Variants in SLC16A1 observed in about 807,000 individuals in gnomAD.
SLC16A1 encodes the protein monocarboxylate transporter 1.
SLC16A1 carries 11 observed loss-of-function variants against 32.2 expected under a neutral mutation model. The observed-to-expected ratio is 0.34, with a 90% CI of 0.21 to 0.56. The LOEUF is 0.56. SLC16A1 is among the 20% of genes least tolerant of loss of function. SLC16A1 has a pLI of 0.87. For synonymous variants in SLC16A1, 231 were observed against 226.8 expected, an observed-to-expected ratio of 1.02 and a Z score of -0.17; for missense variants, 435 against 615.0, an observed-to-expected ratio of 0.71 and a Z score of 3.10.
intron 2 of SLC16A1, among the ~76,000 whole-genome samples, chr1:112,925,537 C>A (rs1214948955): frequency 6.6e-6 from 1 of 152,126 alleles, no homozygotes; most frequent in East Asian, 1.9e-4. Flanking sequence ...TGCCACCGTG[C>A]CGGGCTAATT....
At chr1:112,947,772 C>A (rs1649753229) in intron 1 of SLC16A1, among the ~76,000 whole-genome samples, 1 of 152,190 alleles carries the variant, frequency 6.6e-6, no homozygotes, top group African/African-American at 2.4e-5. Context: ...CTATCTTTGA[C>A]TTCCCCCATT....
chr1:112,938,304 C>G (rs1649380064), intron 1 of SLC16A1, among the ~76,000 whole-genome samples: 1 of 152,126 alleles, frequency 6.6e-6, no homozygotes, highest in Admixed American at 6.5e-5. Flanking sequence ...AGTAGATAAC[C>G]TGTTGTTCTC....
chr1:112,924,796 G>T (rs905092306), intron 2 of SLC16A1, among the ~76,000 whole-genome samples: 1 of 152,110 alleles, frequency 6.6e-6, no homozygotes, highest in Non-Finnish European at 1.5e-5. Context: ...CTGAGGCGAA[G>T]AATCACTTGA....
intron 1 of SLC16A1, among the ~76,000 whole-genome samples, chr1:112,933,483 T>C (rs1649205984): frequency 7.5e-6 from 1 of 133,674 alleles, no homozygotes; most frequent in Admixed American, 7.4e-5. Context: ...AGTTTTAAAA[T>C]TAGACTTCAA....
intron 1 of SLC16A1, among the ~76,000 whole-genome samples, chr1:112,950,840 G>C (rs921222883): frequency 1.3e-5 from 2 of 152,116 alleles, no homozygotes; most frequent in Non-Finnish European, 2.9e-5. Flanking sequence ...CTAAAAAAAT[G>C]TTTAAATAAA....
In SLC16A1 at chr1:112,929,208, TAA is replaced by T; in HGVS notation, c.99_100del (p.Tyr34CysfsTer14). On this transcript the variant is annotated frameshift_variant, in exon 2 of 5. Coordinates refer to ENST00000369626, the MANE Select transcript of SLC16A1 (RefSeq NM_003051.4). LOFTEE classifies it high-confidence loss of function. ...GACAGTAATTGATTTGGGAAATGCA[TAA>T]GAGAAGCCGATGGAAATGAAAGCTC... The T allele has an allele frequency of 1.9e-6, 3 of 1,614,098 alleles. No individual in the cohort carries two copies. Among genetic ancestry groups the T allele is most frequent in the Non-Finnish European group, 2.5e-6 (3 of 1,180,020 alleles).
At chr1:112,927,197 C>A (rs1265196044) in intron 2 of SLC16A1, among the ~76,000 whole-genome samples, 1 of 149,740 alleles carries the variant, frequency 6.7e-6, no homozygotes, top group African/African-American at 2.5e-5. Flanking sequence ...GAAGTTAATA[C>A]TGTAGAAGTT....
chr1:112,927,730 GA>G (rs1648989697), intron 2 of SLC16A1, among the ~76,000 whole-genome samples: 2 of 152,192 alleles, frequency 1.3e-5, no homozygotes, highest in African/African-American at 4.8e-5. Flanking sequence ...TAAGGACAAA[GA>G]AGGAACTGTT....
rs1343727476 is a variant in SLC16A1 at position 112,917,462 on chromosome 1, G to C, written c.944C>G (p.Ser315Cys). Residue 315 changes from serine (S) to cysteine (C), a missense_variant, in exon 4 of 5, where the codon TCT becomes TGT. Around this residue, in one of 2 missense-constraint regions of SLC16A1, gnomAD observed 324 missense variants for 500.3 expected, o/e 0.65. Coordinates refer to ENST00000369626, the MANE Select transcript of SLC16A1 (RefSeq NM_003051.4). The surrounding 1 kb of genome is among the most constrained non-coding windows in gnomAD (Gnocchi z 4.1). The part of the protein sequence containing the change: ...LAFVDMVARP[S>C]MGLVANTKPI... ...CTTTGTGTTGGCTACAAGTCCCATA[G>C]ATGGTCGGGCTACCATGTCAACAAA... The C allele has an allele frequency of 1.2e-6, 2 of 1,614,068 alleles. No homozygotes were observed. The highest frequency in any genetic ancestry group is 1.7e-6 in the Non-Finnish European group (2 of 1,180,042).
At chr1:112,953,053 C>G (rs1172376913) in intron 1 of SLC16A1, among the ~76,000 whole-genome samples, 8 of 152,138 alleles carry the variant, frequency 5.3e-5, no homozygotes, top group Non-Finnish European at 1.0e-4. Context: ...TCTCACACCA[C>G]TCCAACAGCC....
chr1:112,929,072 A>G lies in SLC16A1; in HGVS notation c.217+20T>C. On this transcript the variant is annotated intron_variant, in intron 2 of 4. Coordinates refer to ENST00000369626, the MANE Select transcript of SLC16A1 (RefSeq NM_003051.4). ...GCTGCTTCATGAAAATTAAAAGAGCAGGCCTTAATGGGTACTTACCTCCAC... is the reference window on the plus strand; with the variant it reads ...GCTGCTTCATGAAAATTAAAAGAGCGGGCCTTAATGGGTACTTACCTCCAC... 6.4e-7 allele frequency: 1 copy of G among 1,566,392 alleles called. No homozygotes were observed. Among genetic ancestry groups the G allele is most frequent in the Non-Finnish European group, 8.8e-7 (1 of 1,137,304 alleles).
intron 4 of SLC16A1, 115 bp from the exon 5 acceptor site, chr1:112,914,280 C>T (rs971426895): frequency 3.6e-6 from 4 of 1,099,394 alleles, no homozygotes; most frequent in South Asian, 1.3e-5. Context: ...TTAAAGAGTC[C>T]CAAAATGATG....
intron 1 of SLC16A1, among the ~76,000 whole-genome samples, chr1:112,930,732 T>TTG (rs1209122686): frequency 1.3e-5 from 2 of 151,418 alleles, no homozygotes; most frequent in East Asian, 3.9e-4. Flanking sequence ...AGGTTTTTTT[T>TTG]TTTTTTTTTT....
Position 112,913,906 on chromosome 1 carries a change from C to T in SLC16A1, c.1488G>A (p.Glu496=). The T allele has an allele frequency of 6.2e-7, 1 of 1,614,110 alleles. No individual in the cohort carries two copies. The highest frequency in any genetic ancestry group is 8.5e-7 in the Non-Finnish European group (1 of 1,179,960). Reference sequence around the variant, plus strand: ...CCCCATGGATTCAGACTGGACTTTCCTCCTCCTTGGGCCCTCCATCTGTGT... The same window carrying T: ...CCCCATGGATTCAGACTGGACTTTCTTCCTCCTTGGGCCCTCCATCTGTGT... ...QKDTDGGPKE[E]ESPV The change falls in exon 5 of 5, where the codon GAG becomes GAA. Residue 496 remains glutamate, a synonymous_variant. Transcript: ENST00000369626.
intron 4 of SLC16A1, among the ~76,000 whole-genome samples, chr1:112,915,797 G>A (rs1037728553): frequency 6.6e-6 from 1 of 152,014 alleles, no homozygotes; most frequent in African/African-American, 2.4e-5. Flanking sequence ...ATCTCAAAAG[G>A]CAGCTATGGA....
chr1:112,922,842 C>T (rs147174380), intron 2 of SLC16A1, among the ~76,000 whole-genome samples: 45 of 152,292 alleles, frequency 3.0e-4, no homozygotes, highest in African/African-American at 9.9e-4. Flanking sequence ...TTCAGACACA[C>T]GCAGTGATAG....
chr1:112,924,604 A>G (rs1366340293), intron 2 of SLC16A1, among the ~76,000 whole-genome samples: 1 of 152,238 alleles, frequency 6.6e-6, no homozygotes, highest in East Asian at 1.9e-4. Context: ...CAACAAAAAA[A>G]AGAAAAAAGA....
chr1:112,943,337 G>A (rs1649576709), intron 1 of SLC16A1, among the ~76,000 whole-genome samples: 1 of 151,104 alleles, frequency 6.6e-6, no homozygotes, highest in African/African-American at 2.4e-5. Context: ...GAACCTGGAA[G>A]GCGGAGGCTG....
chr1:112,918,681 C>T (rs1017003327), intron 3 of SLC16A1, among the ~76,000 whole-genome samples: 1 of 152,142 alleles, frequency 6.6e-6, no homozygotes, highest in Non-Finnish European at 1.5e-5. Context: ...TGTGTGCCTG[C>T]AGTCCTAGCT....
Sources: allele counts gnomAD v4.1 joint callset (sites outside exome capture counted in the v4.1 genomes callset), GRCh38; gene constraint gnomAD v4.1.1; regional missense constraint gnomAD v4.1.1; non-coding constraint Gnocchi (gnomAD v3.1); transcripts MANE v1.5; gene names NCBI Gene and HGNC (gene_info 2026-07-23, HGNC 2026-07-21).